Variants in SOX5 observed in about 807,000 individuals in gnomAD.
SOX5 encodes the protein SRY-box transcription factor 5, also known as transcription factor SOX-5.
Under a neutral mutation model 92.0 loss-of-function variants are expected in SOX5, and 9 were observed. That is an observed-to-expected ratio of 0.10 (90% CI 0.06 to 0.17). The LOEUF (loss-of-function observed/expected upper bound fraction) is 0.17, where lower values mean the gene tolerates loss of function less well. Among genes scored for constraint, SOX5 ranks in the 10% least tolerant of loss-of-function variants. The pLI is 1.00. For synonymous variants in SOX5, 344 were observed against 336.3 expected, an observed-to-expected ratio of 1.02 and a Z score of -0.25; for missense variants, 642 against 944.5, an observed-to-expected ratio of 0.68 and a Z score of 4.20.
intron 3 of SOX5, among the ~76,000 whole-genome samples, chr12:23,837,980 TATTTATATTTATATAATGTAC>T (rs2096453340): frequency 8.0e-6 from 1 of 124,634 alleles, no homozygotes; most frequent in Non-Finnish European, 1.6e-5. Context: ...ATATAATATA[TATTTATATTTATATAATGTAC>T]ATTTATATTT....
rs527329847 is a variant in SOX5, at chr12:23,838,338, T to C, written c.481+7645A>G. 1.4e-3 allele frequency among the ~76,000 whole-genome samples: 215 copies of C among 151,546 alleles called. 2 individuals are homozygous for C. The highest frequency in any genetic ancestry group is 4.7e-3 in the African/African-American group (196 of 41,400). ...TCATTGCCTTACTCAAATACATAAA[T>C]TACTCCTTGATGCATCTCTCCCATC... On this transcript the variant is annotated intron_variant, in intron 3 of 14. Transcript: ENST00000451604.
chr12:24,126,434 G>T (rs1052757818), intron 4 of SOX5, among the ~76,000 whole-genome samples: 1 of 152,098 alleles, frequency 6.6e-6, no homozygotes, highest in African/African-American at 2.4e-5. Flanking sequence ...CGAAAACCAG[G>T]ATAGCACCCT....
chr12:23,840,259 T>C (rs1252897669), intron 3 of SOX5, among the ~76,000 whole-genome samples: 2 of 151,964 alleles, frequency 1.3e-5, no homozygotes, highest in Non-Finnish European at 2.9e-5. Flanking sequence ...AAAAAAGAAA[T>C]AGTAGGTATA....
intron 4 of SOX5, among the ~76,000 whole-genome samples, chr12:24,152,454 T>C (rs1418540782): frequency 6.6e-6 from 1 of 152,144 alleles, no homozygotes; most frequent in African/African-American, 2.4e-5. Flanking sequence ...TAGCCAGCCT[T>C]GCTTTGCTCC....
chr12:23,972,921 C>G (rs910244441), intron 4 of SOX5, among the ~76,000 whole-genome samples: 3 of 152,106 alleles, frequency 2.0e-5, no homozygotes, highest in African/African-American at 4.8e-5. Context: ...TTCCTCTAGT[C>G]TAACAAATTT....
intron 2 of SOX5, among the ~76,000 whole-genome samples, chr12:23,847,609 G>T (rs2096589156): frequency 6.6e-6 from 1 of 151,658 alleles, no homozygotes; most frequent in African/African-American, 2.4e-5. Context: ...AGTGAGTACA[G>T]GGACAACAGG....
At chr12:23,616,274 A>C (rs2076543994) in intron 8 of SOX5, among the ~76,000 whole-genome samples, 1 of 152,236 alleles carries the variant, frequency 6.6e-6, no homozygotes, top group Non-Finnish European at 1.5e-5. Context: ...GGGGTAGAGA[A>C]TAGATGGAAA....
At chr12:24,201,099 C>T (rs991932814) in intron 4 of SOX5, among the ~76,000 whole-genome samples, 1 of 152,130 alleles carries the variant, frequency 6.6e-6, no homozygotes, top group African/African-American at 2.4e-5. Flanking sequence ...AGCTAGAGTT[C>T]TGGTTTTACT....
chr12:24,182,681 A>C (rs918392065), intron 4 of SOX5, among the ~76,000 whole-genome samples: 8 of 152,148 alleles, frequency 5.3e-5, no homozygotes, highest in Admixed American at 3.9e-4. Context: ...AAAAGTCCTA[A>C]ATATATAAAT....
At chr12:24,550,792 C>G (rs1312099751) in intron 1 of SOX5, among the ~76,000 whole-genome samples, 2 of 152,138 alleles carry the variant, frequency 1.3e-5, no homozygotes, top group Non-Finnish European at 2.9e-5. Context: ...CTTAAAAATG[C>G]CTTGTATTGC....
At chr12:24,454,425 C>T (rs1942750498) in intron 1 of SOX5, among the ~76,000 whole-genome samples, 1 of 152,174 alleles carries the variant, frequency 6.6e-6, no homozygotes, top group Non-Finnish European at 1.5e-5. Flanking sequence ...TCTTTCTTAT[C>T]TCACTTTTAT....
intron 4 of SOX5, among the ~76,000 whole-genome samples, chr12:24,046,942 C>T (rs899561710): frequency 9.9e-5 from 15 of 152,176 alleles, no homozygotes; most frequent in African/African-American, 3.6e-4. Context: ...CTGCCTCAGC[C>T]TCCCAAAGTG....
At chr12:23,822,687 T>A (rs1594784117) in intron 3 of SOX5, among the ~76,000 whole-genome samples, 3 of 152,258 alleles carry the variant, frequency 2.0e-5, no homozygotes, top group Non-Finnish European at 1.5e-5. Flanking sequence ...TAATTTTCTG[T>A]CTTGTTGATC....
At chr12:24,478,293 T>G (rs1277618795) in intron 1 of SOX5, among the ~76,000 whole-genome samples, 2 of 152,212 alleles carry the variant, frequency 1.3e-5, no homozygotes, top group Admixed American at 6.5e-5. Flanking sequence ...CATTTATCCA[T>G]TAAGATCACC....
chr12:24,018,925 A>C (rs4963735), intron 4 of SOX5, among the ~76,000 whole-genome samples: 2 of 152,084 alleles, frequency 1.3e-5, no homozygotes, highest in Admixed American at 6.6e-5. Flanking sequence ...CCTTCACACA[A>C]AATTCTTATT....
chr12:24,080,162 A>G (rs569274109), intron 4 of SOX5, among the ~76,000 whole-genome samples: 1 of 151,966 alleles, frequency 6.6e-6, no homozygotes, highest in African/African-American at 2.4e-5. Flanking sequence ...TACTGCATGT[A>G]AGATAAAAAT....
intron 1 of SOX5, among the ~76,000 whole-genome samples, chr12:24,436,616 C>T (rs753690326): frequency 6.6e-5 from 10 of 152,176 alleles, no homozygotes; most frequent in Non-Finnish European, 1.3e-4. Context: ...GCAGCGAGTG[C>T]TGATGGGGAA....
chr12:24,489,885 G>A (rs549156241), intron 1 of SOX5, among the ~76,000 whole-genome samples: 5 of 152,166 alleles, frequency 3.3e-5, no homozygotes, highest in Non-Finnish European at 7.4e-5. Context: ...CTAACTACAC[G>A]TTGGGATTCC....
chr12:23,859,805 G>T (rs549578025), intron 2 of SOX5, among the ~76,000 whole-genome samples: 154 of 152,184 alleles, frequency 1.0e-3, no homozygotes, highest in African/African-American at 3.5e-3. Flanking sequence ...TCTCAGACCG[G>T]CCGACACTTA....
Sources: gnomAD v4.1 joint callset for allele counts (sites outside exome capture counted in the v4.1 genomes callset) on GRCh38, gnomAD v4.1.1 for gene constraint, MANE v1.5 for transcripts, NCBI Gene and HGNC (gene_info 2026-07-23, HGNC 2026-07-21) for gene names.